PTPRD: variants seen among roughly 807,000 people sequenced by gnomAD.
PTPRD encodes receptor-type tyrosine-protein phosphatase delta.
In PTPRD, 34 loss-of-function variants were observed where a neutral mutation model predicts 214.5. That is an observed-to-expected ratio of 0.16 (90% CI 0.12 to 0.21). The LOEUF (loss-of-function observed/expected upper bound fraction) is 0.21, where lower values mean the gene tolerates loss of function less well. Ranked by LOEUF, PTPRD falls within the 10% of genes least tolerant of loss-of-function variation. The probability of loss-of-function intolerance (pLI) is 1.00; values close to 1 mark genes in which losing one functional copy is unlikely to be tolerated. For synonymous variants in PTPRD, 1,128 were observed against 845.7 expected, an observed-to-expected ratio of 1.33 and a Z score of -5.79; for missense variants, 2,545 against 2,398.7, an observed-to-expected ratio of 1.06 and a Z score of -1.27.
intron 2 of PTPRD, among the ~76,000 whole-genome samples, chr9:10,445,169 T>C (rs2098790166): frequency 6.6e-6 from 1 of 151,962 alleles, no homozygotes. Context: ...AACCAAAAAA[T>C]CTTGCACTTA....
At chr9:9,253,979 G>C (rs1351331532) in intron 9 of PTPRD, among the ~76,000 whole-genome samples, 1 of 152,048 alleles carries the variant, frequency 6.6e-6, no homozygotes, top group Non-Finnish European at 1.5e-5. Context: ...TCCAGTGTCT[G>C]CTTCGGTCTT....
intron 3 of PTPRD, among the ~76,000 whole-genome samples, chr9:10,271,653 C>T (rs2094433337): frequency 6.6e-6 from 1 of 151,762 alleles, no homozygotes; most frequent in Admixed American, 6.6e-5. Context: ...AGCAATCCTC[C>T]TGCCTCAGCC....
intron 35 of PTPRD, among the ~76,000 whole-genome samples, chr9:8,432,682 A>T (rs1022588289): frequency 6.6e-6 from 1 of 152,250 alleles, no homozygotes; most frequent in East Asian, 1.9e-4. Flanking sequence ...ATAATAAACA[A>T]TTTTTCCCCA....
At chr9:9,221,057 A>G (rs915985289) in intron 9 of PTPRD, among the ~76,000 whole-genome samples, 1 of 152,064 alleles carries the variant, frequency 6.6e-6, no homozygotes, top group Non-Finnish European at 1.5e-5. Context: ...GGGTGTGAAG[A>G]CATGGCAGAG....
intron 5 of PTPRD, among the ~76,000 whole-genome samples, chr9:9,813,482 G>T (rs1037905939): frequency 1.3e-5 from 2 of 152,016 alleles, no homozygotes; most frequent in Non-Finnish European, 1.5e-5. Context: ...ATTATAGCAG[G>T]TTATTAACAA....
intron 14 of PTPRD, among the ~76,000 whole-genome samples, chr9:8,538,406 T>C (rs1176675460): frequency 6.6e-6 from 1 of 151,920 alleles, no homozygotes; most frequent in Non-Finnish European, 1.5e-5. Context: ...TTGTTAGCTT[T>C]GTAAAAAGTT....
intron 2 of PTPRD, among the ~76,000 whole-genome samples, chr9:10,511,974 G>GTATA (rs1276123845): frequency 2.0e-5 from 1 of 49,258 alleles, no homozygotes; most frequent in African/African-American, 6.7e-5. Context: ...ATACGTGTGT[G>GTATA]TGTATATATA....
chr9:9,556,552 C>G (rs1279909247), intron 8 of PTPRD, among the ~76,000 whole-genome samples: 1 of 152,110 alleles, frequency 6.6e-6, no homozygotes, highest in African/African-American at 2.4e-5. Context: ...CTAACTTGCC[C>G]CCAATTTTCT....
intron 7 of PTPRD, among the ~76,000 whole-genome samples, chr9:9,585,027 G>A (rs2091681585): frequency 6.6e-6 from 1 of 152,010 alleles, no homozygotes; most frequent in Non-Finnish European, 1.5e-5. Flanking sequence ...GCACACAGAA[G>A]TTAACCACTT....
intron 14 of PTPRD, among the ~76,000 whole-genome samples, chr9:8,566,503 A>G (rs187355618): frequency 2.4e-4 from 37 of 152,328 alleles, no homozygotes; most frequent in African/African-American, 8.4e-4. Context: ...AGTGAAAGAC[A>G]GAGGTTGGCC....
At chr9:9,445,610 G>A (rs1373571440) in intron 8 of PTPRD, among the ~76,000 whole-genome samples, 2 of 152,104 alleles carry the variant, frequency 1.3e-5, no homozygotes. Flanking sequence ...GAAGTGCCAA[G>A]CAAAGGGGGA....
intron 2 of PTPRD, among the ~76,000 whole-genome samples, chr9:10,474,650 T>C (rs981308194): frequency 6.6e-6 from 1 of 151,964 alleles, no homozygotes; most frequent in Non-Finnish European, 1.5e-5. Context: ...TAGATATGTA[T>C]AGAACTCTAC....
At chr9:9,839,163 A>C (rs1479672260) in intron 5 of PTPRD, among the ~76,000 whole-genome samples, 1 of 152,150 alleles carries the variant, frequency 6.6e-6, no homozygotes, top group Non-Finnish European at 1.5e-5. Flanking sequence ...TGTTTTGGTT[A>C]CTGTAGCCTT....
intron 9 of PTPRD, among the ~76,000 whole-genome samples, chr9:9,201,744 C>T (rs994726953): frequency 6.6e-6 from 1 of 151,982 alleles, no homozygotes; most frequent in Non-Finnish European, 1.5e-5. Context: ...CAAAATAATT[C>T]TCATTAATTT....
intron 8 of PTPRD, among the ~76,000 whole-genome samples, chr9:9,574,019 T>G (rs1028329040): frequency 2.0e-5 from 3 of 151,820 alleles, no homozygotes; most frequent in Admixed American, 2.0e-4. Context: ...TTTTATATAT[T>G]TATTATAAAG....
intron 3 of PTPRD, among the ~76,000 whole-genome samples, chr9:10,289,034 T>A (rs951331253): frequency 1.3e-5 from 2 of 151,862 alleles, no homozygotes; most frequent in Non-Finnish European, 2.9e-5. Flanking sequence ...TTTTTTTTTT[T>A]TTTATTTCTT....
At chr9:9,309,904 C>G (rs73390841) in intron 9 of PTPRD, among the ~76,000 whole-genome samples, 2,455 of 152,158 alleles carry the variant, frequency 0.016, 60 homozygotes, top group African/African-American at 0.056. Context: ...AGGACTCTGT[C>G]TGCTTGAGGT....
chr9:9,152,161 A>C (rs2099877376), intron 10 of PTPRD, among the ~76,000 whole-genome samples: 1 of 152,174 alleles, frequency 6.6e-6, no homozygotes, highest in African/African-American at 2.4e-5. Flanking sequence ...ATTTGCATGC[A>C]CTGGCTAATA....
chr9:8,321,208 C>A (rs1827059816), intron 44 of PTPRD, among the ~76,000 whole-genome samples: 1 of 151,728 alleles, frequency 6.6e-6, no homozygotes, highest in Non-Finnish European at 1.5e-5. Flanking sequence ...GATTTATTAT[C>A]TTTTTGTTGA....
Sources: gnomAD v4.1 joint callset for allele counts (sites outside exome capture counted in the v4.1 genomes callset) on GRCh38, gnomAD v4.1.1 for gene constraint, MANE v1.5 for transcripts, NCBI Gene and HGNC (gene_info 2026-07-23, HGNC 2026-07-21) for gene names.